The following ATF6 variants were observed in gnomAD, a reference collection of about 807,000 sequenced individuals.
ATF6 encodes cyclic AMP-dependent transcription factor ATF-6 alpha.
In ATF6, 53 loss-of-function variants were observed where a neutral mutation model predicts 83.6. The observed-to-expected ratio is 0.63, with a 90% CI of 0.51 to 0.80. ATF6 has a LOEUF of 0.80. ATF6 is among the 30% of genes least tolerant of loss of function. The pLI is 0.00. For synonymous variants in ATF6, 288 were observed against 285.8 expected (o/e 1.01, Z -0.08); for missense variants, 744 against 797.9 (o/e 0.93, Z 0.81).
At chr1:161,909,373 C>A (rs1483719475) in intron 14 of ATF6, among the ~76,000 whole-genome samples, 1 of 152,176 alleles carries the variant, frequency 6.6e-6, no homozygotes, top group Non-Finnish European at 1.5e-5. Context: ...TTCTTACAGT[C>A]CGTTGACCAG....
rs1332129150 is a variant in ATF6 at position 161,963,007 on chromosome 1, C to T, written c.*4353C>T. 1 of 152,136 alleles carries T rather than the reference C, an allele frequency of 6.6e-6. No homozygotes were observed. The highest frequency in any genetic ancestry group is 1.9e-4 in the East Asian group (1 of 5,192). The allele number at this position is 152,136 out of a possible 1,614,324, so 9.4% of individuals were successfully genotyped here. On this transcript the variant is annotated 3_prime_UTR_variant, in exon 16 of 16. Transcript: ENST00000367942. ...ATGAAATATAAGAAATGTTCGTTCC[C>T]ACCCCTAATAACATTTGGAAGTGAA... is the stretch of plus-strand genomic sequence containing the variant.
chr1:161,932,594 AT>A (rs1305073620), intron 15 of ATF6, among the ~76,000 whole-genome samples: 1 of 152,244 alleles, frequency 6.6e-6, no homozygotes, highest in East Asian at 1.9e-4. Flanking sequence ...GATCTACTTC[AT>A]TAAAATGTTA....
chr1:161,785,773 C>T (rs1684732002), intron 4 of ATF6, among the ~76,000 whole-genome samples: 2 of 152,120 alleles, frequency 1.3e-5, no homozygotes, highest in South Asian at 2.1e-4. Flanking sequence ...CCAAATTTCT[C>T]TCTATAGGGG....
At chr1:161,910,132 G>A (rs1004853370) in intron 14 of ATF6, among the ~76,000 whole-genome samples, 1 of 152,158 alleles carries the variant, frequency 6.6e-6, no homozygotes, top group Non-Finnish European at 1.5e-5. Flanking sequence ...TTATTTTGAG[G>A]AAGTGGAGGT....
At chr1:161,952,477 A>G (rs1298739016) in intron 15 of ATF6, among the ~76,000 whole-genome samples, 1 of 151,842 alleles carries the variant, frequency 6.6e-6, no homozygotes, top group Non-Finnish European at 1.5e-5. Context: ...GCACTTATTC[A>G]TCATTCTCTA....
chr1:161,838,823 A>T (rs1040252259), intron 9 of ATF6, among the ~76,000 whole-genome samples: 5 of 152,180 alleles, frequency 3.3e-5, no homozygotes, highest in Non-Finnish European at 7.3e-5. Context: ...TGCTATTTAG[A>T]GGGTTCTTTT....
At chr1:161,793,191 A>G (rs781412881) in intron 6 of ATF6, among the ~76,000 whole-genome samples, 1 of 152,166 alleles carries the variant, frequency 6.6e-6, no homozygotes, top group African/African-American at 2.4e-5. Context: ...GGTAAATTTG[A>G]TAAATTTAAT....
chr1:161,863,113 TC>T, intron 13 of ATF6, 84 bp from the exon 14 acceptor site: 1 of 702,398 alleles, frequency 1.4e-6, no homozygotes, highest in Non-Finnish European at 2.3e-6. Context: ...TTCTTAGAAT[TC>T]AGACATAGCC....
intron 14 of ATF6, chr1:161,891,569 C>T (rs1226649245): frequency 1.3e-5 from 2 of 152,146 alleles, no homozygotes; most frequent in East Asian, 1.9e-4. Flanking sequence ...TGAGTGTGCG[C>T]CAGATCCTGC....
At chr1:161,907,348 T>C (rs1687896372) in intron 14 of ATF6, among the ~76,000 whole-genome samples, 1 of 152,238 alleles carries the variant, frequency 6.6e-6, no homozygotes, top group Non-Finnish European at 1.5e-5. Context: ...GGCTAGGTGC[T>C]ATTTTTATTT....
At chr1:161,919,290 A>G (rs964053073) in intron 15 of ATF6, among the ~76,000 whole-genome samples, 1 of 152,158 alleles carries the variant, frequency 6.6e-6, no homozygotes, top group Non-Finnish European at 1.5e-5. Context: ...TTAAAAAAGG[A>G]TTGCATGGTT....
Position 161,766,585 on chromosome 1 carries a change from C to T in ATF6, c.82+143C>T, listed in dbSNP as rs1006820128. 7 of 654,036 alleles carry T rather than the reference C, an allele frequency of 1.1e-5. No homozygotes were observed. The African/African-American group carries it at 1.3e-4, about 12-fold the overall frequency. The allele number at this position is 654,036 out of a possible 1,614,324, so 40.5% of individuals were successfully genotyped here. On this transcript the variant is annotated intron_variant, in intron 1 of 15. Coordinates refer to ENST00000367942, the MANE Select transcript of ATF6 (RefSeq NM_007348.4). ...GCCCCTCGTCACTCCTGTTCGTGCC[C>T]CTGGAAGAGTCTGGGAGTATCGTTC...
At chr1:161,818,914 T>C (rs1308828237) in intron 7 of ATF6, among the ~76,000 whole-genome samples, 1 of 152,146 alleles carries the variant, frequency 6.6e-6, no homozygotes, top group Non-Finnish European at 1.5e-5. Context: ...TTAGAAATGG[T>C]GGACAGGATG....
intron 15 of ATF6, among the ~76,000 whole-genome samples, chr1:161,936,787 C>T (rs528816720): frequency 6.6e-6 from 1 of 152,296 alleles, no homozygotes; most frequent in Admixed American, 6.5e-5. Context: ...AACCAACTGC[C>T]TGTTAAATAT....
chr1:161,834,918 G>T (rs1161588251), intron 9 of ATF6, among the ~76,000 whole-genome samples: 1 of 152,194 alleles, frequency 6.6e-6, no homozygotes, highest in Non-Finnish European at 1.5e-5. Flanking sequence ...AAGAGGTTAT[G>T]CCACCATAAC....
At chr1:161,900,333 A>G (rs1311473233) in intron 14 of ATF6, among the ~76,000 whole-genome samples, 4 of 152,168 alleles carry the variant, frequency 2.6e-5, no homozygotes, top group African/African-American at 9.7e-5. Context: ...TTTATGGACG[A>G]CGTGAGGAAT....
Position 161,860,201 on chromosome 1 carries a change from T to A in ATF6, c.1534-6T>A. The A allele has an allele frequency of 6.3e-7, 1 of 1,575,760 alleles. No individual in the cohort carries two copies. Among genetic ancestry groups the A allele is most frequent in the Non-Finnish European group, 8.6e-7 (1 of 1,161,944 alleles). On this transcript the variant is annotated splice_polypyrimidine_tract_variant and splice_region_variant and intron_variant, in intron 12 of 15. Coordinates refer to ENST00000367942, the MANE Select transcript of ATF6 (RefSeq NM_007348.4). ...TATTAAACTTTTTTTTTTTTTAATA[T>A]TCCAGGGTGCTCTGGAACAGGGCTC...
intron 9 of ATF6, among the ~76,000 whole-genome samples, chr1:161,824,856 G>T (rs773409471): frequency 3.9e-5 from 6 of 152,106 alleles, no homozygotes; most frequent in Non-Finnish European, 5.9e-5. Context: ...ATGAATAAAA[G>T]TACAGTCTAG....
At chr1:161,843,735 AT>A (rs1246936122) in intron 9 of ATF6, among the ~76,000 whole-genome samples, 8 of 152,166 alleles carry the variant, frequency 5.3e-5, no homozygotes, top group African/African-American at 1.9e-4. Context: ...CCTAGGTGGT[AT>A]TTCAGTTAAT....
Sources: allele counts gnomAD v4.1 joint callset (sites outside exome capture counted in the v4.1 genomes callset), GRCh38; gene constraint gnomAD v4.1.1; transcripts MANE v1.5; gene names NCBI Gene and HGNC (gene_info 2026-07-23, HGNC 2026-07-21).